Variants in IGF1R observed in about 807,000 individuals in gnomAD.
IGF1R encodes insulin-like growth factor 1 receptor.
A neutral mutation model predicts 144.6 loss-of-function variants in IGF1R; 44 were observed. That is an observed-to-expected ratio of 0.30 (90% confidence interval 0.24 to 0.39). IGF1R has a LOEUF of 0.39. Among genes scored for constraint, IGF1R ranks in the 10% least tolerant of loss-of-function variants. IGF1R has a pLI of 1.00. For missense variants in IGF1R, 1,355 were observed against 1,833.7 expected, an observed-to-expected ratio of 0.74 and a Z score of 4.77; for synonymous variants, 795 against 722.8, an observed-to-expected ratio of 1.10 and a Z score of -1.60.
rs117157535 is a variant in IGF1R, at chr15:98,862,995, C to T, written c.641-28330C>T. On this transcript the variant is annotated intron_variant, in intron 2 of 20. Coordinates refer to ENST00000650285, the MANE Select transcript of IGF1R (RefSeq NM_000875.5). ...GACTGAATTCGGATTTCACTATTTT[C>T]CCACTGATGTCCCTTTTTTTGGTTC... Among the ~76,000 whole-genome samples, 1,398 of 152,274 alleles carry T rather than the reference C, an allele frequency of 9.2e-3. 32 individuals are homozygous for T. The highest frequency in any genetic ancestry group is 6.5e-3 in the Non-Finnish European group (442 of 68,020).
intron 1 of IGF1R, among the ~76,000 whole-genome samples, chr15:98,667,539 T>A (rs529641740): frequency 6.6e-6 from 1 of 152,298 alleles, no homozygotes; most frequent in African/African-American, 2.4e-5. Flanking sequence ...GAAGGCCAGG[T>A]CCGCCTGTCT....
chr15:98,914,047 G>A (rs780313421), intron 8 of IGF1R, among the ~76,000 whole-genome samples: 1 of 152,232 alleles, frequency 6.6e-6, no homozygotes, highest in African/African-American at 2.4e-5. Flanking sequence ...GGCGCTGGCA[G>A]ATTTGGTGTC....
intron 2 of IGF1R, among the ~76,000 whole-genome samples, chr15:98,726,842 C>T (rs1177046190): frequency 1.3e-5 from 2 of 151,488 alleles, no homozygotes; most frequent in East Asian, 1.9e-4. Flanking sequence ...GCCTCAGCCT[C>T]CTGAGTAGCT....
At chr15:98,694,800 G>A (rs1465435339) in intron 1 of IGF1R, among the ~76,000 whole-genome samples, 3 of 152,216 alleles carry the variant, frequency 2.0e-5, no homozygotes, top group Non-Finnish European at 4.4e-5. Flanking sequence ...AATAAAGAAT[G>A]GGTGCGCCGA....
At chr15:98,940,961 C>T (rs1186084826) in intron 18 of IGF1R, among the ~76,000 whole-genome samples, 1 of 152,224 alleles carries the variant, frequency 6.6e-6, no homozygotes, top group Non-Finnish European at 1.5e-5. Context: ...AAAGAGCCGC[C>T]CGCGTCCCTG....
At chr15:98,902,015 A>G (rs900819326) in intron 5 of IGF1R, among the ~76,000 whole-genome samples, 2 of 152,238 alleles carry the variant, frequency 1.3e-5, no homozygotes, top group Non-Finnish European at 2.9e-5. Context: ...GAGGAGTGTT[A>G]GCAGAGCTGT....
intron 2 of IGF1R, among the ~76,000 whole-genome samples, chr15:98,832,316 G>C (rs2057016360): frequency 6.6e-6 from 1 of 152,096 alleles, no homozygotes; most frequent in Non-Finnish European, 1.5e-5. Context: ...CTACACTCTT[G>C]GGTGCAGGAA....
intron 1 of IGF1R, among the ~76,000 whole-genome samples, chr15:98,652,976 CTTG>C (rs1218868778): frequency 2.7e-5 from 4 of 147,130 alleles, no homozygotes. Flanking sequence ...TTGAAAATAA[CTTG>C]TTATGCTACC....
At chr15:98,926,373 A>C (rs996627219) in intron 13 of IGF1R, among the ~76,000 whole-genome samples, 1 of 152,192 alleles carries the variant, frequency 6.6e-6, no homozygotes. Flanking sequence ...AGATAGGAGG[A>C]ATAAGTTCAA....
rs370196264 is a variant in IGF1R at position 98,957,503 on chromosome 15, GGAGA to G, written c.*67_*70del. On this transcript the variant is annotated 3_prime_UTR_variant, in exon 21 of 21. Coordinates refer to ENST00000650285, the MANE Select transcript of IGF1R (RefSeq NM_000875.5). ...TGCGCACGCGCAGCGGGGTGGGGGGGGAGAGAGAGTTTTAACAATCCATTCACAA... is the reference window on the plus strand; with the variant it reads ...TGCGCACGCGCAGCGGGGTGGGGGGGGAGAGTTTTAACAATCCATTCACAA... The G allele has an allele frequency of 1.9e-6, 3 of 1,604,224 alleles. No homozygotes were observed. In the Admixed American group the frequency reaches 5.0e-5, roughly 27 times the overall value.
intron 2 of IGF1R, among the ~76,000 whole-genome samples, chr15:98,857,471 G>A (rs533033432): frequency 2.0e-5 from 3 of 152,292 alleles, no homozygotes; most frequent in South Asian, 2.1e-4. Context: ...CACCCACCTC[G>A]GCTTTCCAAA....
intron 5 of IGF1R, among the ~76,000 whole-genome samples, chr15:98,906,240 T>C (rs1390683958): frequency 6.6e-6 from 1 of 152,220 alleles, no homozygotes; most frequent in Non-Finnish European, 1.5e-5. Context: ...GTATTTTTGG[T>C]GTGGTTCCGT....
At position 98,745,450 on chromosome 15, in the gene IGF1R, C is replaced by T. The variant is rs554815659; in HGVS notation, c.640+37343C>T. ...AAGCCGGTGGCCCAGTCAGGAGCTC[C>T]TAAGTGGCAGAGCCCTGTCTCCTGG... On this transcript the variant is annotated intron_variant, in intron 2 of 20. Transcript: ENST00000650285. Among the ~76,000 whole-genome samples, 218 of 152,316 alleles carry T rather than the reference C, an allele frequency of 1.4e-3. 4 individuals are homozygous for T. The highest frequency in any genetic ancestry group is 4.9e-3 in the African/African-American group (204 of 41,566).
At chr15:98,691,655 G>GC (rs1187585118) in intron 1 of IGF1R, among the ~76,000 whole-genome samples, 5 of 152,088 alleles carry the variant, frequency 3.3e-5, no homozygotes, top group African/African-American at 1.2e-4. Context: ...GAGCCACCCT[G>GC]CCCGGCCCAT....
At chr15:98,760,179 T>TAAAA (rs5814896) in intron 2 of IGF1R, among the ~76,000 whole-genome samples, 3 of 145,026 alleles carry the variant, frequency 2.1e-5, no homozygotes, top group African/African-American at 7.6e-5. Flanking sequence ...TGTCTCTACT[T>TAAAA]AAAAAAAAAA....
At chr15:98,715,610 C>A (rs1431730595) in intron 2 of IGF1R, among the ~76,000 whole-genome samples, 7 of 152,102 alleles carry the variant, frequency 4.6e-5, no homozygotes, top group Non-Finnish European at 7.3e-5. Flanking sequence ...AGCGTGTGGG[C>A]CCGTGGTTAA....
At chr15:98,897,067 A>C (rs540931227) in intron 4 of IGF1R, 162 bp downstream of exon 4, 2 of 690,742 alleles carry the variant, frequency 2.9e-6, no homozygotes, top group Non-Finnish European at 5.0e-6. Flanking sequence ...GTTTCCCTGA[A>C]AGATAAAGAA....
At chr15:98,816,171 T>G (rs2056692802) in intron 2 of IGF1R, among the ~76,000 whole-genome samples, 1 of 152,202 alleles carries the variant, frequency 6.6e-6, no homozygotes, top group African/African-American at 2.4e-5. Context: ...GTGGCCCTAA[T>G]CATGGGTCTC....
At chr15:98,862,568 A>G (rs1213914567) in intron 2 of IGF1R, among the ~76,000 whole-genome samples, 1 of 152,206 alleles carries the variant, frequency 6.6e-6, no homozygotes, top group Non-Finnish European at 1.5e-5. Flanking sequence ...CTAGGGATTC[A>G]CCTTATTTAT....
Sources: allele counts gnomAD v4.1 joint callset (sites outside exome capture counted in the v4.1 genomes callset), GRCh38; gene constraint gnomAD v4.1.1; transcripts MANE v1.5; gene names NCBI Gene and HGNC (gene_info 2026-07-23, HGNC 2026-07-21).